The following CDK13 variants were observed in gnomAD, a reference collection of about 807,000 sequenced individuals.
CDK13 encodes the protein cyclin dependent kinase 13.
In CDK13, 40 loss-of-function variants were observed where a neutral mutation model predicts 137.6. The ratio of observed to expected loss-of-function variants is 0.29; its 90% CI spans 0.23 to 0.38. The LOEUF (loss-of-function observed/expected upper bound fraction) is 0.38. Among genes scored for constraint, CDK13 ranks in the 10% least tolerant of loss-of-function variants. The pLI, the probability that CDK13 is intolerant of heterozygous loss-of-function variation, is 1.00. For missense variants in CDK13, 1,704 were observed against 1,951.8 expected, an observed-to-expected ratio of 0.87 and a Z score of 2.39; for synonymous variants, 869 against 760.1, an observed-to-expected ratio of 1.14 and a Z score of -2.36.
At chr7:39,989,949 A>T (rs756571717) in intron 2 of CDK13, among the ~76,000 whole-genome samples, 36 of 151,722 alleles carry the variant, frequency 2.4e-4, no homozygotes, top group Non-Finnish European at 4.4e-4. Flanking sequence ...AGCCCGGCTA[A>T]TTTTTTGTAT....
chr7:39,982,164 C>T (rs13308930), intron 1 of CDK13, among the ~76,000 whole-genome samples: 9 of 146,242 alleles, frequency 6.2e-5, no homozygotes, highest in Non-Finnish European at 1.2e-4. Flanking sequence ...ATCCCTCCCC[C>T]CTCCCCCTAC....
intron 5 of CDK13, among the ~76,000 whole-genome samples, chr7:40,021,124 C>T (rs1401982953): frequency 6.9e-5 from 10 of 144,620 alleles, no homozygotes; most frequent in African/African-American, 2.5e-4. Flanking sequence ...TATATATATA[C>T]ACACACACAC....
intron 5 of CDK13, among the ~76,000 whole-genome samples, chr7:40,022,858 CTTT>C (rs200053217): frequency 2.2e-5 from 3 of 134,632 alleles, no homozygotes. Context: ...TTTTCGTCTT[CTTT>C]TTTTTTTTTT....
chr7:39,987,788 C>T lies in CDK13; in HGVS notation c.1401C>T (p.Ala467=), dbSNP rs137937704. The change falls in exon 2 of 14, where the codon GCC becomes GCT. Residue 467 remains alanine (A), a synonymous_variant. Coordinates refer to ENST00000181839, the MANE Select transcript of CDK13 (RefSeq NM_003718.5). The part of the protein sequence containing the change: ...KKARAAEAAR[A]AEAAKAAEAT... ...CACGAGCAGCAGAGGCAGCAAGAGCCGCAGAAGCAGCGAAAGCTGCAGAAG... is the reference window on the plus strand; with the variant it reads ...CACGAGCAGCAGAGGCAGCAAGAGCTGCAGAAGCAGCGAAAGCTGCAGAAG... 4.3e-5 allele frequency: 69 copies of T among 1,613,674 alleles called. No homozygotes were observed. The highest frequency in any genetic ancestry group is 3.3e-4 in the Middle Eastern group (2 of 6,084).
chr7:39,951,695 T>C lies in CDK13; in HGVS notation c.1054T>C (p.Ser352Pro), dbSNP rs2116070428. ...GGCAGGAGGTGGCAGCAGCCCCTATTCTCGGCGGCTGCCGCGCTCCCCGAG... is the reference window on the plus strand; with the variant it reads ...GGCAGGAGGTGGCAGCAGCCCCTATCCTCGGCGGCTGCCGCGCTCCCCGAG... ...SPAGGGSSPYSRRLPRSPSPY... is the reference protein window; with the variant it reads ...SPAGGGSSPYPRRLPRSPSPY... Residue 352 changes from serine (S) to proline (P), a missense_variant, in exon 1 of 14, where the codon TCT becomes CCT. Physicochemically the swap from Ser to Pro is moderately conservative, Grantham distance 74. This residue lies in a region of CDK13 where 1,051 missense variants were observed against 931.0 expected (regional missense o/e 1.13). Coordinates refer to ENST00000181839, the MANE Select transcript of CDK13 (RefSeq NM_003718.5). 6.8e-7 allele frequency: 1 copy of C among 1,463,156 alleles called. No individual in the cohort carries two copies. 90.6% of individuals were successfully genotyped at this position (1,463,156 alleles called of 1,614,324 possible).
At chr7:39,984,761 G>GT in intron 1 of CDK13, 1 of 152,370 alleles carries the variant, frequency 6.6e-6, no homozygotes, top group South Asian at 2.1e-4. Flanking sequence ...ATCACCTGAG[G>GT]TCAGGAGTTC....
In CDK13 at chr7:40,003,226, T is replaced by TC. The variant is rs1784731811; in HGVS notation, c.2353+1195_2353+1196insC. Among the ~76,000 whole-genome samples, 686 of 143,286 alleles carry TC rather than the reference T, an allele frequency of 4.8e-3. 7 individuals are homozygous for TC. Among genetic ancestry groups the TC allele is most frequent in the African/African-American group, 0.016 (625 of 38,190 alleles). 94.0% of individuals were successfully genotyped at this position (143,286 alleles called of 152,430 possible). ...CACACACTCTCTCTCTCTCTCTCTC[T>TC]TACTCTGTTGAGGGACACAATTCAA... On this transcript the variant is annotated intron_variant, in intron 5 of 13. Transcript: ENST00000181839.
intron 5 of CDK13, among the ~76,000 whole-genome samples, chr7:40,031,314 G>T (rs1785372610): frequency 6.6e-6 from 1 of 152,164 alleles, no homozygotes; most frequent in Non-Finnish European, 1.5e-5. Flanking sequence ...TTGAGGTCAG[G>T]AGTTCAAGAC....
At chr7:40,026,377 C>T (rs1048633857) in intron 5 of CDK13, among the ~76,000 whole-genome samples, 4 of 152,096 alleles carry the variant, frequency 2.6e-5, no homozygotes, top group Admixed American at 1.3e-4. Flanking sequence ...AGCATGGTGG[C>T]ACATGCCTGT....
At position 39,988,561 on chromosome 7, in the gene CDK13, A is replaced by T. The variant is rs1024757823; in HGVS notation, c.1871+303A>T. On this transcript the variant is annotated intron_variant, in intron 2 of 13. Coordinates refer to ENST00000181839, the MANE Select transcript of CDK13 (RefSeq NM_003718.5). ...CTCTTTGGTTTAGTTTTCCTTGATGATGTAATCAGAGACAGAATATTTTAT... is the reference window on the plus strand; with the variant it reads ...CTCTTTGGTTTAGTTTTCCTTGATGTTGTAATCAGAGACAGAATATTTTAT... 2.6e-5 allele frequency among the ~76,000 whole-genome samples: 4 copies of T among 152,240 alleles called. No homozygotes were observed. The South Asian group carries it at 8.3e-4, about 32-fold the overall frequency.
intron 7 of CDK13, among the ~76,000 whole-genome samples, chr7:40,053,810 G>A (rs1437299009): frequency 6.7e-6 from 1 of 150,060 alleles, no homozygotes; most frequent in Admixed American, 6.6e-5. Flanking sequence ...CTTAACTAAC[G>A]TTTGTGTACA....
At chr7:40,024,625 C>T (rs1390909995) in intron 5 of CDK13, among the ~76,000 whole-genome samples, 3 of 136,346 alleles carry the variant, frequency 2.2e-5, no homozygotes, top group African/African-American at 8.5e-5. Flanking sequence ...GGTCTTCTTC[C>T]AAGATATCTG....
chr7:39,950,896 C>A lies in CDK13; in HGVS notation c.255C>A (p.Pro85=), dbSNP rs985522324. 1 of 1,343,372 alleles carries A rather than the reference C, an allele frequency of 7.4e-7. No individual in the cohort carries two copies. Among genetic ancestry groups the A allele is most frequent in the Non-Finnish European group, 9.5e-7 (1 of 1,056,658 alleles). The allele number at this position is 1,343,372 out of a possible 1,614,324, so 83.2% of individuals were successfully genotyped here. A position where few individuals can be genotyped will look rare whatever the true frequency, so the allele number is the denominator to read the frequency against. The change falls in exon 1 of 14, where the codon CCC becomes CCA. Residue 85 remains proline, a synonymous_variant. Transcript: ENST00000181839. The part of the protein sequence containing the change: ...AASSSCFSPG[P]PLEVKRLARG... ...CCTCCTCTTGCTTCAGCCCGGGCCC[C>A]CCTCTGGAGGTCAAGCGGCTGGCGA...
intron 9 of CDK13, among the ~76,000 whole-genome samples, chr7:40,069,039 GC>G (rs1436764224): frequency 1.3e-5 from 2 of 152,108 alleles, no homozygotes; most frequent in Non-Finnish European, 2.9e-5. Context: ...TTTGAGACCA[GC>G]CTGGGCAACG....
At chr7:39,999,133 A>T (rs1027411474) in intron 3 of CDK13, 3 of 341,922 alleles carry the variant, frequency 8.8e-6, no homozygotes, top group Non-Finnish European at 1.6e-5. Flanking sequence ...CTCAGTTTAA[A>T]TACTTGTCTA....
At chr7:40,031,121 T>G (rs1785369019) in intron 5 of CDK13, among the ~76,000 whole-genome samples, 1 of 152,234 alleles carries the variant, frequency 6.6e-6, no homozygotes, top group African/African-American at 2.4e-5. Flanking sequence ...TTTGTGTTGT[T>G]TCACATTTTT....
chr7:40,021,561 T>G (rs1785126795), intron 5 of CDK13, among the ~76,000 whole-genome samples: 1 of 152,156 alleles, frequency 6.6e-6, no homozygotes, highest in African/African-American at 2.4e-5. Flanking sequence ...CCAAAAAATT[T>G]TTGAAAATAT....
intron 5 of CDK13, among the ~76,000 whole-genome samples, chr7:40,016,455 G>A (rs920188207): frequency 1.3e-5 from 2 of 152,152 alleles, no homozygotes; most frequent in African/African-American, 2.4e-5. Context: ...CCATGTGATA[G>A]GAGAGACTTT....
chr7:40,034,218 G>C lies in CDK13; in HGVS notation c.2354-11618G>C, dbSNP rs146048819. Among the ~76,000 whole-genome samples the C allele has an allele frequency of 9.8e-4, 149 of 152,250 alleles. 1 individual carries two copies. The highest frequency in any genetic ancestry group is 3.5e-3 in the African/African-American group (144 of 41,546). On this transcript the variant is annotated intron_variant, in intron 5 of 13. Transcript: ENST00000181839. ...AGCTTGGTTTAGGCTTTCCTACCTT[G>C]GTAATGGTTCCCAAGGAGCTTTCTG...
Sources: allele counts gnomAD v4.1 joint callset (sites outside exome capture counted in the v4.1 genomes callset), GRCh38; gene constraint gnomAD v4.1.1; regional missense constraint gnomAD v4.1.1; transcripts MANE v1.5; gene names NCBI Gene and HGNC (gene_info 2026-07-23, HGNC 2026-07-21).